Variants in SF3B3 observed in about 807,000 individuals in gnomAD.
SF3B3 encodes the protein splicing factor 3b subunit 3.
A neutral mutation model predicts 139.2 loss-of-function variants in SF3B3; 33 were observed. That is an observed-to-expected ratio of 0.24 (90% CI 0.18 to 0.32). The LOEUF (loss-of-function observed/expected upper bound fraction) is 0.32, where lower values mean the gene tolerates loss of function less well. SF3B3 is among the 10% of genes least tolerant of loss of function. The pLI, the probability that SF3B3 is intolerant of heterozygous loss-of-function variation, is 1.00. For synonymous variants in SF3B3, 596 were observed against 563.6 expected (o/e 1.06, Z -0.81); for missense variants, 818 against 1,509.4 (o/e 0.54, Z 7.59).
intron 21 of SF3B3, 63 bp from the exon 22 acceptor site, chr16:70,568,220 C>T: frequency 7.8e-7 from 1 of 1,284,364 alleles, no homozygotes; most frequent in South Asian, 1.2e-5. Context: ...GAAAGCTGGG[C>T]TTTCTTTGGG....
chr16:70,553,051 C>T (rs1407711133), intron 11 of SF3B3, among the ~76,000 whole-genome samples: 7 of 152,116 alleles, frequency 4.6e-5, no homozygotes, highest in African/African-American at 1.4e-4. Flanking sequence ...GAATTACAGG[C>T]GCCCACCACC....
At position 70,529,299 on chromosome 16, in the gene SF3B3, G is replaced by A. The variant is rs74026076; in HGVS notation, c.397+100G>A. 3.6e-3 allele frequency: 3,460 copies of A among 971,270 alleles called. 93 individuals are homozygous for A. In the African/African-American group the frequency reaches 0.051, roughly 14 times the overall value. 60.2% of individuals were successfully genotyped at this position (971,270 alleles called of 1,614,324 possible). A position where few individuals can be genotyped will look rare whatever the true frequency, so the allele number is the denominator to read the frequency against. On this transcript the variant is annotated intron_variant, in intron 3 of 25. Coordinates refer to ENST00000302516, the MANE Select transcript of SF3B3 (RefSeq NM_012426.5). ...GCCAATTAATTACTTATGTGGGTTT[G>A]GCATCATGTTTGGATTTACTCTAGG... is the stretch of plus-strand genomic sequence containing the variant.
intron 24 of SF3B3, 143 bp downstream of exon 24, chr16:70,570,292 A>T: frequency 1.4e-6 from 1 of 714,992 alleles, no homozygotes; most frequent in East Asian, 3.3e-5. Context: ...ACTTGGGGAG[A>T]TAGGAATCTT....
At chr16:70,542,019 C>T (rs917181959) in intron 9 of SF3B3, among the ~76,000 whole-genome samples, 185 bp downstream of exon 9, 3 of 152,080 alleles carry the variant, frequency 2.0e-5, no homozygotes, top group African/African-American at 4.8e-5. Flanking sequence ...ACAAAACTCA[C>T]GTTTAATGTA....
intron 4 of SF3B3, among the ~76,000 whole-genome samples, chr16:70,531,786 C>T (rs574435848): frequency 4.6e-5 from 7 of 152,354 alleles, no homozygotes; most frequent in Admixed American, 3.9e-4. Flanking sequence ...ACAGAACATA[C>T]TATTGTTTTC....
intron 11 of SF3B3, among the ~76,000 whole-genome samples, chr16:70,551,830 T>C (rs898605062): frequency 6.6e-6 from 1 of 152,202 alleles, no homozygotes; most frequent in African/African-American, 2.4e-5. Flanking sequence ...CGTGCCCAGC[T>C]TGGACTCCAA....
chr16:70,529,094 A>G lies in SF3B3; in HGVS notation c.292A>G (p.Met98Val), dbSNP rs771007043. The G allele has an allele frequency of 2.5e-6, 4 of 1,614,182 alleles. No homozygotes were observed. Among genetic ancestry groups the G allele is most frequent in the Non-Finnish European group, 3.4e-6 (4 of 1,180,020 alleles). Residue 98 changes from methionine (M) to valine (V), a missense_variant, in exon 3 of 26, where the codon ATG becomes GTG. This residue lies in a region of SF3B3 where 144 missense variants were observed against 259.2 expected (regional missense o/e 0.56). Transcript: ENST00000302516. ...TTTGGAATACCAGCCATCTAAGAAT[A>G]TGTTTGAGAAGATTCACCAAGAAAC... ...VILEYQPSKN[M>V]FEKIHQETFG...
At chr16:70,538,974 G>A (rs2050194128) in intron 7 of SF3B3, 130 bp from the exon 8 acceptor site, 2 of 692,760 alleles carry the variant, frequency 2.9e-6, no homozygotes, top group Non-Finnish European at 5.2e-6. Flanking sequence ...ACTGGCCCAT[G>A]AGCCGGAGTT....
chr16:70,552,914 T>C (rs1357809193), intron 11 of SF3B3, among the ~76,000 whole-genome samples: 1 of 152,148 alleles, frequency 6.6e-6, no homozygotes, highest in African/African-American at 2.4e-5. Context: ...CAATGATACA[T>C]CTTTTTTGTT....
Position 70,526,708 on chromosome 16 carries a change from A to C in SF3B3, c.52A>C (p.Ile18Leu), listed in dbSNP as rs2050067950. Residue 18 changes from isoleucine to leucine, a missense_variant, in exon 2 of 26, where the codon ATT (isoleucine) becomes CTT (leucine). By Grantham distance (5) the Ile-to-Leu change is conservative. Transcript: ENST00000302516. ...LQRATGISFA[I>L]HGNFSGTKQQ... ...GAGAGCCACTGGCATCAGCTTTGCC[A>C]TTCATGGAAACTTTTCTGGTAAGTT... 6.2e-7 allele frequency: 1 copy of C among 1,613,844 alleles called. No individual in the cohort carries two copies. The highest frequency in any genetic ancestry group is 8.5e-7 in the Non-Finnish European group (1 of 1,179,718).
chr16:70,555,946 A>G (rs1029498882), intron 13 of SF3B3, among the ~76,000 whole-genome samples: 5 of 152,222 alleles, frequency 3.3e-5, no homozygotes, highest in Non-Finnish European at 7.3e-5. Flanking sequence ...AGGTCTGTTC[A>G]TTCTCTTATT....
intron 6 of SF3B3, among the ~76,000 whole-genome samples, chr16:70,535,852 T>C (rs1283907430): frequency 6.6e-6 from 1 of 152,170 alleles, no homozygotes; most frequent in African/African-American, 2.4e-5. Flanking sequence ...ATTAATCCGT[T>C]ATTAATATTT....
chr16:70,573,579 G>C lies in SF3B3; in HGVS notation c.*1766G>C, dbSNP rs182547643. ...GATTTGGGCTTGAATATGTGGAAAG[G>C]AATTTTCATAGTTGTTGCTGCAGGA... On this transcript the variant is annotated 3_prime_UTR_variant, in exon 26 of 26. Transcript: ENST00000302516. 6.6e-6 allele frequency: 1 copy of C among 152,182 alleles called. No individual in the cohort carries two copies. The highest frequency in any genetic ancestry group is 1.5e-5 in the Non-Finnish European group (1 of 68,038). 9.4% of individuals were successfully genotyped at this position (152,182 alleles called of 1,614,324 possible). A position where few individuals can be genotyped will look rare whatever the true frequency, so the allele number is the denominator to read the frequency against.
intron 20 of SF3B3, among the ~76,000 whole-genome samples, chr16:70,566,824 A>C (rs556371904): frequency 6.6e-6 from 1 of 152,222 alleles, no homozygotes; most frequent in African/African-American, 2.4e-5. Flanking sequence ...TGAGTCGAGC[A>C]GGTCACTTGA....
intron 9 of SF3B3, 87 bp downstream of exon 9, chr16:70,541,921 T>C: frequency 1.7e-6 from 2 of 1,210,980 alleles, no homozygotes; most frequent in South Asian, 1.6e-5. Flanking sequence ...AGTATTTCCA[T>C]GAACTCGCCA....
intron 17 of SF3B3, among the ~76,000 whole-genome samples, chr16:70,562,468 G>C (rs943628011): frequency 7.9e-5 from 12 of 152,080 alleles, no homozygotes; most frequent in Non-Finnish European, 1.2e-4. Context: ...GTCTTTTCAT[G>C]GTCATTGTCC....
In SF3B3 at chr16:70,573,340, C is replaced by G. The variant is rs1597726822; in HGVS notation, c.*1527C>G. 2 of 152,334 alleles carry G rather than the reference C, an allele frequency of 1.3e-5. No homozygotes were observed. The highest frequency in any genetic ancestry group is 3.9e-4 in the East Asian group (2 of 5,190). The allele number at this position is 152,334 out of a possible 1,614,324, so 9.4% of individuals were successfully genotyped here. ...AAATTGTGTGATACTGACATGCAGT[C>G]ATCTGAGGAACTCAGCGTAGATACT... On this transcript the variant is annotated 3_prime_UTR_variant, in exon 26 of 26. Transcript: ENST00000302516.
chr16:70,526,595 G>T lies in SF3B3; in HGVS notation c.-62G>T. 8.8e-7 allele frequency: 1 copy of T among 1,135,080 alleles called. No homozygotes were observed. 70.3% of individuals were successfully genotyped at this position (1,135,080 alleles called of 1,614,324 possible). A position where few individuals can be genotyped will look rare whatever the true frequency, so the allele number is the denominator to read the frequency against. On this transcript the variant is annotated 5_prime_UTR_variant, in exon 2 of 26. Transcript: ENST00000302516. The stretch of plus-strand genomic sequence containing the variant: ...GTTTTCTGTTTTCTTAGCTTTCTTG[G>T]ACTCCGTACTGTTGGTGTAACCAAG...
intron 13 of SF3B3, among the ~76,000 whole-genome samples, 168 bp from the exon 14 acceptor site, chr16:70,556,011 C>T (rs2050376957): frequency 6.6e-6 from 1 of 152,180 alleles, no homozygotes; most frequent in African/African-American, 2.4e-5. Context: ...GTCTTGAGAA[C>T]TCAGGTAGAT....
Sources: allele counts gnomAD v4.1 joint callset (sites outside exome capture counted in the v4.1 genomes callset), GRCh38; gene constraint gnomAD v4.1.1; regional missense constraint gnomAD v4.1.1; transcripts MANE v1.5; gene names NCBI Gene and HGNC (gene_info 2026-07-23, HGNC 2026-07-21).